Variants in PCDH11X observed in about 807,000 individuals in gnomAD.
PCDH11X encodes protocadherin-11 X-linked.
Under a neutral mutation model 53.3 loss-of-function variants are expected in PCDH11X, and 18 were observed. That is an observed-to-expected ratio of 0.34 (90% CI 0.23 to 0.50). The LOEUF (loss-of-function observed/expected upper bound fraction) is 0.50. PCDH11X is among the 20% of genes least tolerant of loss of function. The pLI is 0.98. For synonymous variants in PCDH11X, 279 were observed against 393.3 expected (o/e 0.71, Z 3.44); for missense variants, 570 against 1,032.4 (o/e 0.55, Z 6.14).
At chrX:92,251,064 A>G (rs1220637530) in intron 7 of PCDH11X, among the ~76,000 whole-genome samples, 2 of 111,332 alleles carry the variant, frequency 1.8e-5, no homozygotes, top group South Asian at 7.4e-4. Flanking sequence ...ACATATATAT[A>G]ACTCTTACAA....
intron 9 of PCDH11X, among the ~76,000 whole-genome samples, chrX:92,411,971 GAAGAAGAAGAAGAAGAAGGGGA>G (rs2071677331): frequency 3.8e-5 from 1 of 26,569 alleles, no homozygotes; most frequent in Non-Finnish European, 7.2e-5. Flanking sequence ...GAGGAGGAGG[GAAGAAGAAGAAGAAGAAGGGGA>G]GGAGGAGGAA....
intron 8 of PCDH11X, among the ~76,000 whole-genome samples, chrX:92,383,321 GTTT>G (rs34013943): frequency 0.19 from 13,817 of 72,422 alleles, 1,350 homozygotes; most frequent in East Asian, 0.67. Flanking sequence ...GTAGATAAAT[GTTT>G]TTTTTTTTTT....
At chrX:92,020,243 G>A (rs2062862186) in intron 6 of PCDH11X, among the ~76,000 whole-genome samples, 1 of 112,577 alleles carries the variant, frequency 8.9e-6, no homozygotes, top group South Asian at 3.7e-4. Flanking sequence ...TGAGCTCCTT[G>A]TGGGAGGGGT....
intron 6 of PCDH11X, among the ~76,000 whole-genome samples, chrX:92,046,558 G>C (rs1260682517): frequency 9.0e-6 from 1 of 111,207 alleles, no homozygotes; most frequent in Non-Finnish European, 1.9e-5. Flanking sequence ...TATTGGCACT[G>C]TTGTAAATTC....
In PCDH11X at chrX:91,953,717, A is replaced by T. The variant is rs746487039; in HGVS notation, c.3033+74444A>T. Among the ~76,000 whole-genome samples the T allele has an allele frequency of 8.2e-5, 9 of 109,566 alleles. No individual in the cohort carries two copies. In the East Asian group the frequency reaches 2.6e-3, roughly 32 times the overall value. On this transcript the variant is annotated intron_variant, in intron 6 of 10. Transcript: ENST00000682573. The stretch of plus-strand genomic sequence containing the variant: ...CAGATCTTTATTATACATTGTTTTA[A>T]TATTCTCTATTTACACTGGGAATCA...
intron 8 of PCDH11X, among the ~76,000 whole-genome samples, chrX:92,363,491 C>T (rs1172654118): frequency 3.7e-4 from 40 of 108,767 alleles, no homozygotes; most frequent in South Asian, 7.6e-4. Flanking sequence ...TTTTTAGGTT[C>T]TGATTTTGTA....
chrX:91,818,311 T>C (rs1225544604), intron 4 of PCDH11X, among the ~76,000 whole-genome samples: 2 of 111,136 alleles, frequency 1.8e-5, no homozygotes, highest in Admixed American at 1.9e-4. Context: ...TCAAATTACG[T>C]TTTTTATAAG....
chrX:92,298,108 T>C (rs1471841757), intron 8 of PCDH11X, among the ~76,000 whole-genome samples: 1 of 111,849 alleles, frequency 8.9e-6, no homozygotes, highest in East Asian at 2.8e-4. Flanking sequence ...CAGTTTGACT[T>C]GCTGTCATCC....
intron 8 of PCDH11X, 88 bp downstream of exon 8, chrX:92,263,231 A>G: frequency 1.3e-6 from 1 of 744,756 alleles, no homozygotes; most frequent in Admixed American, 3.3e-5. Flanking sequence ...TGGAGTTAAA[A>G]CTGTAAGTAC....
intron 6 of PCDH11X, among the ~76,000 whole-genome samples, chrX:92,027,957 T>G (rs1226803420): frequency 9.9e-6 from 1 of 100,847 alleles, no homozygotes; most frequent in East Asian, 3.1e-4. Context: ...TTTATTTTCT[T>G]TCTTTCAATT....
intron 6 of PCDH11X, among the ~76,000 whole-genome samples, chrX:92,158,726 C>T (rs919614623): frequency 6.4e-5 from 7 of 110,073 alleles, no homozygotes; most frequent in Non-Finnish European, 9.5e-5. Flanking sequence ...ACCTCCGCCT[C>T]CTAGGTTTAA....
rs867198102 is a variant in PCDH11X at position 92,594,841 on chromosome X, A to T, written c.3368-23423A>T. Among the ~76,000 whole-genome samples, 13 of 82,547 alleles carry T rather than the reference A, an allele frequency of 1.6e-4. No individual in the cohort carries two copies. The East Asian group carries it at 4.6e-3, about 29-fold the overall frequency. 71.7% of individuals were successfully genotyped at this position (82,547 alleles called of 115,157 possible). On this transcript the variant is annotated intron_variant, in intron 10 of 10. Transcript: ENST00000682573. Reference sequence around the variant, plus strand: ...CTACGAATTTGTTTAAAACATTGCTATTTTTTTTGTTTGTTTGTTTTGGAG... The same window carrying T: ...CTACGAATTTGTTTAAAACATTGCTTTTTTTTTTGTTTGTTTGTTTTGGAG...
chrX:92,355,882 A>G (rs2070193438), intron 8 of PCDH11X, among the ~76,000 whole-genome samples: 1 of 110,059 alleles, frequency 9.1e-6, no homozygotes, highest in African/African-American at 3.3e-5. Context: ...GTATAAATAT[A>G]TACTGTTTCA....
chrX:92,216,584 C>G (rs1254437082), intron 7 of PCDH11X, among the ~76,000 whole-genome samples: 2 of 103,066 alleles, frequency 1.9e-5, no homozygotes, highest in African/African-American at 7.1e-5. Flanking sequence ...GATTGGTGTA[C>G]CTGAAAGTGA....
At chrX:92,166,263 A>G (rs2065730487) in intron 6 of PCDH11X, among the ~76,000 whole-genome samples, 1 of 106,177 alleles carries the variant, frequency 9.4e-6, no homozygotes, top group South Asian at 4.3e-4. Context: ...TTGTTGATAT[A>G]ATTTTTTATC....
At chrX:92,315,192 T>C (rs1181791671) in intron 8 of PCDH11X, among the ~76,000 whole-genome samples, 1 of 112,023 alleles carries the variant, frequency 8.9e-6, no homozygotes, top group Non-Finnish European at 1.9e-5. Flanking sequence ...AGACGCACTG[T>C]AATATTAGCC....
chrX:92,322,424 C>G (rs1236389970), intron 8 of PCDH11X, among the ~76,000 whole-genome samples: 9 of 110,992 alleles, frequency 8.1e-5, no homozygotes, highest in Non-Finnish European at 1.9e-5. Context: ...CATCAGTTTA[C>G]AGATGATGAA....
At chrX:92,254,619 C>G (rs1285170213) in intron 7 of PCDH11X, among the ~76,000 whole-genome samples, 2 of 109,515 alleles carry the variant, frequency 1.8e-5, no homozygotes, top group Non-Finnish European at 3.8e-5. Context: ...TTTAGGAGCT[C>G]TTTTAGGGCA....
At chrX:92,142,518 C>A (rs1326100058) in intron 6 of PCDH11X, among the ~76,000 whole-genome samples, 1 of 110,826 alleles carries the variant, frequency 9.0e-6, no homozygotes, top group Non-Finnish European at 1.9e-5. Context: ...CTGTGCCCGG[C>A]CCAAGTGCTA....
Sources: gnomAD v4.1 joint callset for allele counts (sites outside exome capture counted in the v4.1 genomes callset) on GRCh38, gnomAD v4.1.1 for gene constraint, MANE v1.5 for transcripts, NCBI Gene and HGNC (gene_info 2026-07-23, HGNC 2026-07-21) for gene names.